The following CDC42 variants were observed in gnomAD, a reference collection of about 807,000 sequenced individuals.
CDC42 encodes the protein cell division cycle 42.
In CDC42, 1 loss-of-function variant was observed where a neutral mutation model predicts 20.8. The ratio of observed to expected loss-of-function variants is 0.05; its 90% CI spans 0.02 to 0.23. CDC42 has a LOEUF of 0.23. Ranked by LOEUF, CDC42 falls within the 10% of genes least tolerant of loss-of-function variation. The pLI, the probability that CDC42 is intolerant of heterozygous loss-of-function variation, is 1.00. For synonymous variants in CDC42, 72 were observed against 84.8 expected, an observed-to-expected ratio of 0.85 and a Z score of 0.83; for missense variants, 49 against 227.9, an observed-to-expected ratio of 0.21 and a Z score of 5.05.
intron 2 of CDC42, 72 bp downstream of exon 2, chr1:22,078,655 A>T: frequency 6.5e-7 from 1 of 1,549,658 alleles, no homozygotes. Flanking sequence ...CGCTTTCTCT[A>T]TGTGTACTGA....
At chr1:22,056,755 AT>A (rs1488787883) in intron 1 of CDC42, among the ~76,000 whole-genome samples, 5 of 152,324 alleles carry the variant, frequency 3.3e-5, no homozygotes, top group African/African-American at 1.2e-4. Flanking sequence ...CCTTTTTGCA[AT>A]TTTAGAAAAA....
intron 1 of CDC42, among the ~76,000 whole-genome samples, chr1:22,054,865 A>T (rs1645277944): frequency 7.4e-6 from 1 of 135,664 alleles, no homozygotes; most frequent in Non-Finnish European, 1.6e-5. Context: ...CTTTCCTTTT[A>T]GAAAGTAACA....
chr1:22,061,571 T>A (rs1645365731), intron 1 of CDC42, among the ~76,000 whole-genome samples: 1 of 131,742 alleles, frequency 7.6e-6, no homozygotes, highest in African/African-American at 2.8e-5. Context: ...TGAGATGGAG[T>A]CTTGCTCTAT....
At chr1:22,063,312 A>C (rs1393129162) in intron 1 of CDC42, among the ~76,000 whole-genome samples, 1 of 151,988 alleles carries the variant, frequency 6.6e-6, no homozygotes, top group East Asian at 1.9e-4. Flanking sequence ...ATAACCAGTA[A>C]AGTATACTAG....
At chr1:22,056,834 G>C (rs1645309210) in intron 1 of CDC42, among the ~76,000 whole-genome samples, 1 of 152,248 alleles carries the variant, frequency 6.6e-6, no homozygotes. Context: ...TAATAGAGCA[G>C]AAAACTATAT....
In CDC42 at chr1:22,091,791, G is replaced by GTTTT. The variant is rs150558595; in HGVS notation, c.*275_*276insTTTT. Reference sequence around the variant, plus strand: ...TCAAAAAAAAAATTTTTGTGTGTGTGTGTTTTTTTTTTTTTTTTTTTTGTT... The same window carrying GTTTT: ...TCAAAAAAAAAATTTTTGTGTGTGTGTTTTTGTTTTTTTTTTTTTTTTTTTTGTT... On this transcript the variant is annotated 3_prime_UTR_variant, in exon 6 of 6. Coordinates refer to ENST00000656825, the MANE Select transcript of CDC42 (RefSeq NM_001791.4). 0.25 allele frequency: 19,515 copies of GTTTT among 76,858 alleles called. 2,990 individuals are homozygous for GTTTT. The highest frequency in any genetic ancestry group is 0.29 in the Non-Finnish European group (13,093 of 44,576). 4.8% of individuals were successfully genotyped at this position (76,858 alleles called of 1,614,324 possible).
At chr1:22,078,822 C>A in intron 2 of CDC42, 3 of 1,393,408 alleles carry the variant, frequency 2.2e-6, no homozygotes, top group Admixed American at 2.2e-5. Flanking sequence ...CTCCAGTAGA[C>A]AAGATTCTAA....
In CDC42 at chr1:22,099,761, AT is replaced by A. The variant is rs374249996; in HGVS notation, c.*8247del. Among the ~76,000 whole-genome samples the A allele has an allele frequency of 6.9e-4, 105 of 152,220 alleles. 2 individuals are homozygous for A. The highest frequency in any genetic ancestry group is 2.3e-3 in the African/African-American group (97 of 41,540). On this transcript the variant is annotated 3_prime_UTR_variant, in exon 6 of 6. Coordinates refer to ENST00000656825, the MANE Select transcript of CDC42 (RefSeq NM_001791.4). ...GTAGGGTGCCTTTGCCCATTGTGTC[AT>A]TTGGTCCTTCTTAAAATTTGAGTGT...
At chr1:22,070,550 G>A (rs71638825) in intron 1 of CDC42, among the ~76,000 whole-genome samples, 2 of 132,820 alleles carry the variant, frequency 1.5e-5, no homozygotes, top group Admixed American at 9.1e-5. Flanking sequence ...TACAAGCTCC[G>A]CCTCCTAGGT....
At chr1:22,090,279 T>C (rs1645702867) in intron 5 of CDC42, 2 of 1,176,314 alleles carry the variant, frequency 1.7e-6, no homozygotes, top group East Asian at 8.1e-5. Flanking sequence ...TCAGAGCTTT[T>C]TGGTTTGGAT....
intron 2 of CDC42, chr1:22,078,858 G>T: frequency 7.6e-7 from 1 of 1,312,092 alleles, no homozygotes; most frequent in Non-Finnish European, 9.9e-7. Flanking sequence ...ATTTGGTGAA[G>T]TATGCCCTAC....
At chr1:22,071,046 C>CTTTTTT (rs10684040) in intron 1 of CDC42, among the ~76,000 whole-genome samples, 8 of 125,272 alleles carry the variant, frequency 6.4e-5, no homozygotes, top group Non-Finnish European at 7.9e-5. Context: ...TTTTTTCTTT[C>CTTTTTT]TTTTTTTTTT....
At chr1:22,074,593 AAAAG>A (rs1413860728) in intron 1 of CDC42, among the ~76,000 whole-genome samples, 2 of 151,900 alleles carry the variant, frequency 1.3e-5, no homozygotes, top group African/African-American at 4.8e-5. Context: ...AATTAAGAAA[AAAAG>A]AAATAGAGGT....
intron 1 of CDC42, among the ~76,000 whole-genome samples, chr1:22,060,665 CACTT>C (rs1310449038): frequency 6.6e-6 from 1 of 152,140 alleles, no homozygotes; most frequent in African/African-American, 2.4e-5. Context: ...ACTTGAATAA[CACTT>C]ATCTCTGGTT....
intron 1 of CDC42, among the ~76,000 whole-genome samples, chr1:22,054,289 C>T (rs1645271048): frequency 6.6e-6 from 1 of 152,004 alleles, no homozygotes; most frequent in Non-Finnish European, 1.5e-5. Flanking sequence ...GATCTTGGCC[C>T]ACCGCAGCCT....
chr1:22,095,455 G>C lies in CDC42; in HGVS notation c.*3938G>C, dbSNP rs1338895877. On this transcript the variant is annotated 3_prime_UTR_variant, in exon 6 of 6. Transcript: ENST00000656825. Reference sequence around the variant, plus strand: ...TGGCTAATGTTTTGTATTTTTAGTAGAGATAGGGTTTCACCATGTTAGCCA... The same window carrying C: ...TGGCTAATGTTTTGTATTTTTAGTACAGATAGGGTTTCACCATGTTAGCCA... 6.6e-6 allele frequency among the ~76,000 whole-genome samples: 1 copy of C among 152,056 alleles called. No homozygotes were observed. The highest frequency in any genetic ancestry group is 1.5e-5 in the Non-Finnish European group (1 of 68,030).
chr1:22,095,368 C>T lies in CDC42; in HGVS notation c.*3851C>T, dbSNP rs530056806. Among the ~76,000 whole-genome samples the T allele has an allele frequency of 1.3e-5, 2 of 152,176 alleles. No individual in the cohort carries two copies. The highest frequency in any genetic ancestry group is 2.9e-5 in the Non-Finnish European group (2 of 68,020). ...CATTGCAAGCTCCGCCTCCCGGGTT[C>T]ACACCATTCTCCTGCCTCAGCCTCC... On this transcript the variant is annotated 3_prime_UTR_variant, in exon 6 of 6. Transcript: ENST00000656825.
chr1:22,084,461 A>G (rs1468976614), intron 3 of CDC42, among the ~76,000 whole-genome samples: 3 of 147,464 alleles, frequency 2.0e-5, no homozygotes, highest in Admixed American at 7.0e-5. Context: ...GGCCATTTAT[A>G]TATCTTTGGA....
At chr1:22,069,612 A>C (rs12134287) in intron 1 of CDC42, among the ~76,000 whole-genome samples, 75,890 of 119,160 alleles carry the variant, frequency 0.64, 21,816 homozygotes, top group Middle Eastern at 0.69. Context: ...ACATGCCACC[A>C]CTTTTTTTTT....
Sources: allele counts gnomAD v4.1 joint callset (sites outside exome capture counted in the v4.1 genomes callset), GRCh38; gene constraint gnomAD v4.1.1; transcripts MANE v1.5; gene names NCBI Gene and HGNC (gene_info 2026-07-23, HGNC 2026-07-21).